The following ZNG1B variants were observed in gnomAD, a reference collection of about 807,000 sequenced individuals.
The protein encoded by ZNG1B is zinc-regulated GTPase metalloprotein activator 1B.
At chr2:113,472,594 T>TC in the ZNG1B span, among the ~76,000 whole-genome samples, 48 of 152,060 alleles carry the variant, frequency 3.2e-4, no homozygotes, top group Non-Finnish European at 1.8e-4. Flanking sequence ...GCCTAGGTCT[T>TC]CTTCTAGGGT....
chr2:113,454,342 G>A, the ZNG1B span, among the ~76,000 whole-genome samples: 1 of 151,938 alleles, frequency 6.6e-6, no homozygotes, highest in Non-Finnish European at 1.5e-5. Context: ...CTTAAGAAAA[G>A]TCTTGATTTT....
At chr2:113,448,771 G>A in the ZNG1B span, among the ~76,000 whole-genome samples, 4 of 151,960 alleles carry the variant, frequency 2.6e-5, no homozygotes, top group Non-Finnish European at 5.9e-5. Flanking sequence ...TGGCTTGGTG[G>A]TGGGAGCCTG....
the ZNG1B span, chr2:113,453,304 G>A: frequency 6.5e-7 from 1 of 1,528,444 alleles, no homozygotes; most frequent in Non-Finnish European, 8.8e-7. Context: ...AGTGCATGGA[G>A]TGCAGTGGCA....
chr2:113,475,500 A>G, the ZNG1B span, among the ~76,000 whole-genome samples: 1 of 149,178 alleles, frequency 6.7e-6, no homozygotes, highest in East Asian at 2.0e-4. Context: ...TTTAAAGTTA[A>G]TATCGTTACG....
chr2:113,450,549 T>C, the ZNG1B span, among the ~76,000 whole-genome samples: 3 of 142,070 alleles, frequency 2.1e-5, no homozygotes, highest in African/African-American at 8.1e-5. Context: ...GGTTGTATTG[T>C]TTTCAAGTTC....
chr2:113,449,345 T>G, the ZNG1B span, among the ~76,000 whole-genome samples: 1 of 142,790 alleles, frequency 7.0e-6, no homozygotes, highest in African/African-American at 2.7e-5. Flanking sequence ...AGACCTAGCT[T>G]TTGGCGTATC....
chr2:113,479,677 C>T, the ZNG1B span, among the ~76,000 whole-genome samples: 2 of 152,226 alleles, frequency 1.3e-5, no homozygotes, highest in Non-Finnish European at 2.9e-5. Context: ...GCCATGATCC[C>T]TTTCATCCAC....
the ZNG1B span, chr2:113,460,641 T>C: frequency 3.8e-6 from 6 of 1,585,222 alleles, no homozygotes; most frequent in South Asian, 1.1e-5. Flanking sequence ...TATTGTATTA[T>C]AGTAACTTTA....
At chr2:113,456,955 C>T in the ZNG1B span, 1 of 450,248 alleles carries the variant, frequency 2.2e-6, no homozygotes, top group South Asian at 1.6e-5. Context: ...AGAAATGGTA[C>T]CCTGTGGCCA....
chr2:113,471,194 A>G, the ZNG1B span: 2 of 1,394,956 alleles, frequency 1.4e-6, no homozygotes, highest in African/African-American at 1.4e-5. Flanking sequence ...GCTTCCTGCC[A>G]TTCCTTTGGC....
the ZNG1B span, among the ~76,000 whole-genome samples, chr2:113,487,908 A>G: frequency 1.3e-5 from 2 of 151,846 alleles, no homozygotes; most frequent in African/African-American, 4.9e-5. Context: ...GCAAGAAAGC[A>G]CTTTTCTGCT....
the ZNG1B span, chr2:113,465,956 A>G: frequency 2.0e-6 from 2 of 984,996 alleles, no homozygotes; most frequent in Non-Finnish European, 2.4e-6. Context: ...AGACTGCCAT[A>G]AGTATTAGGC....
At chr2:113,463,125 T>G in the ZNG1B span, among the ~76,000 whole-genome samples, 1 of 151,810 alleles carries the variant, frequency 6.6e-6, no homozygotes, top group Non-Finnish European at 1.5e-5. Context: ...ATATGAATGA[T>G]GCTCAAATAT....
the ZNG1B span, among the ~76,000 whole-genome samples, chr2:113,449,941 C>T: frequency 6.7e-6 from 1 of 148,774 alleles, no homozygotes; most frequent in African/African-American, 2.5e-5. Context: ...TGCTTTCGTT[C>T]CTGAAAAATA....
the ZNG1B span, among the ~76,000 whole-genome samples, chr2:113,442,362 A>C: frequency 6.6e-6 from 1 of 152,188 alleles, no homozygotes; most frequent in Admixed American, 6.5e-5. Context: ...ATCAAAGCTC[A>C]CTTCTAGCCA....
the ZNG1B span, among the ~76,000 whole-genome samples, chr2:113,486,618 T>G: frequency 6.6e-6 from 1 of 152,170 alleles, no homozygotes; most frequent in East Asian, 1.9e-4. Flanking sequence ...TAGCCAGGCA[T>G]GGTGGCATGT....
chr2:113,437,814 T>A, the ZNG1B span: 1 of 1,607,246 alleles, frequency 6.2e-7, no homozygotes. Context: ...GCGGCTGCGG[T>A]ACGGCGTGTT....
At chr2:113,489,379 A>G in the ZNG1B span, among the ~76,000 whole-genome samples, 1 of 152,244 alleles carries the variant, frequency 6.6e-6, no homozygotes, top group Non-Finnish European at 1.5e-5. Context: ...CTGGAAACAT[A>G]GCAAAACAGA....
chr2:113,479,056 G>A, the ZNG1B span, among the ~76,000 whole-genome samples: 16 of 151,732 alleles, frequency 1.1e-4, no homozygotes, highest in African/African-American at 3.9e-4. Context: ...GGAGTACCTG[G>A]AAAAAATCAG....
Sources: gnomAD v4.1 joint callset for allele counts (sites outside exome capture counted in the v4.1 genomes callset) on GRCh38, gnomAD v4.1.1 for gene constraint, MANE v1.5 for transcripts, NCBI Gene and HGNC (gene_info 2026-07-23, HGNC 2026-07-21) for gene names.